The following UBL7 variants were observed in gnomAD, a reference collection of about 807,000 sequenced individuals.
The protein encoded by UBL7 is ubiquitin-like protein 7.
In UBL7, 21 loss-of-function variants were observed where a neutral mutation model predicts 41.7. The ratio of observed to expected loss-of-function variants is 0.50; its 90% CI spans 0.36 to 0.73. The LOEUF (loss-of-function observed/expected upper bound fraction) is 0.73, where lower values mean the gene tolerates loss of function less well. UBL7 is among the 30% of genes least tolerant of loss of function. The probability of loss-of-function intolerance (pLI) is 0.00; values close to 1 mark genes in which losing one functional copy is unlikely to be tolerated. For synonymous variants in UBL7, 157 were observed against 186.9 expected (o/e 0.84, Z 1.31); for missense variants, 403 against 478.4 (o/e 0.84, Z 1.47).
intron 3 of UBL7, among the ~76,000 whole-genome samples, chr15:74,454,618 G>A (rs796312780): frequency 1.1e-4 from 16 of 152,164 alleles, no homozygotes; most frequent in African/African-American, 3.1e-4. Flanking sequence ...GGCTTGTCTC[G>A]AACTCCCAAT....
At chr15:74,453,686 G>A (rs1376832057) in intron 3 of UBL7, among the ~76,000 whole-genome samples, 1 of 152,212 alleles carries the variant, frequency 6.6e-6, no homozygotes, top group Non-Finnish European at 1.5e-5. Flanking sequence ...GTCCTGAAGG[G>A]ATTTGTAACC....
intron 3 of UBL7, among the ~76,000 whole-genome samples, chr15:74,455,969 C>CA (rs1435344644): frequency 6.6e-6 from 1 of 151,594 alleles, no homozygotes; most frequent in Non-Finnish European, 1.5e-5. Context: ...CTAAAAAACA[C>CA]AAAAAAAATT....
At chr15:74,452,230 C>T in intron 4 of UBL7, 66 bp downstream of exon 4, 5 of 1,505,494 alleles carry the variant, frequency 3.3e-6, no homozygotes, top group Non-Finnish European at 4.5e-6. Context: ...CCACTCCACA[C>T]CACTCGCCAG....
Position 74,448,674 on chromosome 15 carries a change from A to G in UBL7, c.883-74T>C, listed in dbSNP as rs76512205. On this transcript the variant is annotated intron_variant, in intron 9 of 10. Coordinates refer to ENST00000395081, the MANE Select transcript of UBL7 (RefSeq NM_032907.5). Reference sequence around the variant, plus strand: ...TATAGCAGATGCTCGCTGTTGTCATATCACCTCACAGCACTCCTGAGGTAC... The same window carrying G: ...TATAGCAGATGCTCGCTGTTGTCATGTCACCTCACAGCACTCCTGAGGTAC... 4.9e-4 allele frequency: 780 copies of G among 1,589,764 alleles called. 9 individuals are homozygous for G. The East Asian group carries it at 0.013, about 27-fold the overall frequency.
Position 74,461,151 on chromosome 15 carries a change from C to A in UBL7, c.-144G>T, listed in dbSNP as rs1408791163. ...CCGGCCGCACTGCCGCCGGTGTAAA[C>A]ACTCACTCTGGCCCTCTCGCCGGAA... is the stretch of plus-strand genomic sequence containing the variant. On this transcript the variant is annotated 5_prime_UTR_variant, in exon 1 of 11. Coordinates refer to ENST00000395081, the MANE Select transcript of UBL7 (RefSeq NM_032907.5). 1.0e-6 allele frequency: 1 copy of A among 996,658 alleles called. No homozygotes were observed. The highest frequency in any genetic ancestry group is 1.1e-4 in the East Asian group (1 of 9,050). The allele number at this position is 996,658 out of a possible 1,614,324, so 61.7% of individuals were successfully genotyped here.
At chr15:74,451,559 C>G (rs764891204) in intron 4 of UBL7, 39 bp from the exon 5 acceptor site, 17 of 1,533,064 alleles carry the variant, frequency 1.1e-5, no homozygotes, top group Non-Finnish European at 1.5e-5. Context: ...CTCCAACCAG[C>G]TCAATGTACT....
rs1284099268 is a variant in UBL7 at position 74,456,627 on chromosome 15, C to G, written c.229G>C (p.Asp77His). The change falls in exon 3 of 11, where the codon GAC becomes CAC. Residue 77 changes from aspartate to histidine, a missense_variant. By Grantham distance (81) the Asp-to-His change is moderately conservative. Coordinates refer to ENST00000395081, the MANE Select transcript of UBL7 (RefSeq NM_032907.5). ...GRKLKDDQTLDFYGIQPGSTV... is the reference protein window; with the variant it reads ...GRKLKDDQTLHFYGIQPGSTV... The stretch of plus-strand genomic sequence containing the variant: ...GACCCAGGTTGAATGCCATAGAAGT[C>G]AAGTGTCTGGTCATCTTTTAGCTTC... 2 of 1,614,006 alleles carry G rather than the reference C, an allele frequency of 1.2e-6. No homozygotes were observed. The highest frequency in any genetic ancestry group is 3.3e-5 in the Admixed American group (2 of 59,996).
At chr15:74,459,475 A>AT (rs372314262) in intron 1 of UBL7, among the ~76,000 whole-genome samples, 61,338 of 140,922 alleles carry the variant, frequency 0.44, 16,892 homozygotes, top group Non-Finnish European at 0.64. Context: ...CGCCAGGCTA[A>AT]TTTTTTTTTT....
At chr15:74,454,678 G>A (rs767760286) in intron 3 of UBL7, among the ~76,000 whole-genome samples, 79 of 152,296 alleles carry the variant, frequency 5.2e-4, no homozygotes, top group Admixed American at 1.2e-3. Context: ...GATTACAGGC[G>A]TAAGCTGCTG....
At chr15:74,453,555 G>A (rs996542870) in intron 3 of UBL7, among the ~76,000 whole-genome samples, 1 of 152,196 alleles carries the variant, frequency 6.6e-6, no homozygotes, top group Non-Finnish European at 1.5e-5. Flanking sequence ...AAGCCTGAAT[G>A]AGAACATGTG....
upstream of UBL7, chr15:74,461,173 G>A: frequency 2.0e-6 from 2 of 988,320 alleles, no homozygotes; most frequent in Non-Finnish European, 1.2e-6. Context: ...CCCTCTCGCC[G>A]GAAACCGGAA....
At position 74,461,154 on chromosome 15, in the gene UBL7, T is replaced by G; in HGVS notation, c.-147A>C. ...GCCGCACTGCCGCCGGTGTAAACAC[T>G]CACTCTGGCCCTCTCGCCGGAAACC... On this transcript the variant is annotated 5_prime_UTR_variant, in exon 1 of 11. Transcript: ENST00000395081. The G allele has an allele frequency of 2.0e-6, 2 of 995,248 alleles. No homozygotes were observed. Among genetic ancestry groups the G allele is most frequent in the South Asian group, 4.2e-5 (1 of 23,670 alleles). 61.7% of individuals were successfully genotyped at this position (995,248 alleles called of 1,614,324 possible).
At chr15:74,458,316 C>A (rs1416014502) in intron 2 of UBL7, among the ~76,000 whole-genome samples, 2 of 152,132 alleles carry the variant, frequency 1.3e-5, no homozygotes, top group African/African-American at 4.8e-5. Context: ...CCTGTAATCC[C>A]AGCTACTCGG....
intron 1 of UBL7, 118 bp downstream of exon 1, chr15:74,460,919 C>T: frequency 8.7e-7 from 1 of 1,155,176 alleles, no homozygotes; most frequent in South Asian, 1.7e-5. Flanking sequence ...CAACGGTTCC[C>T]TAAGGCAGGC....
At chr15:74,451,328 A>G (rs371194416) in intron 5 of UBL7, 108 bp downstream of exon 5, 1 of 1,005,412 alleles carries the variant, frequency 9.9e-7, no homozygotes, top group African/African-American at 1.6e-5. Flanking sequence ...TTCCCACAAG[A>G]CCAGTCATTC....
chr15:74,447,551 C>T (rs1567086339), intron 10 of UBL7, among the ~76,000 whole-genome samples: 1 of 152,022 alleles, frequency 6.6e-6, no homozygotes, highest in Non-Finnish European at 1.5e-5. Flanking sequence ...ACAAAAAATA[C>T]AAAAAATTAG....
intron 9 of UBL7, 99 bp from the exon 10 acceptor site, chr15:74,448,699 C>T: frequency 6.7e-7 from 1 of 1,502,784 alleles, no homozygotes; most frequent in Non-Finnish European, 9.0e-7. Context: ...TCCTGAGGTA[C>T]CCAACTTCTG....
In UBL7 at chr15:74,461,093, C is replaced by A. The variant is rs1020451199; in HGVS notation, c.-86G>T. 3.0e-6 allele frequency: 3 copies of A among 1,005,134 alleles called. No homozygotes were observed. Among genetic ancestry groups the A allele is most frequent in the South Asian group, 3.8e-5 (1 of 26,344 alleles). The allele number at this position is 1,005,134 out of a possible 1,614,324, so 62.3% of individuals were successfully genotyped here. A position where few individuals can be genotyped will look rare whatever the true frequency, so the allele number is the denominator to read the frequency against. On this transcript the variant is annotated 5_prime_UTR_variant, in exon 1 of 11. Coordinates refer to ENST00000395081, the MANE Select transcript of UBL7 (RefSeq NM_032907.5). ...CACATCGAGCCCGCGCTGCCCAGGGCCCCAGCGCCCTCACCCGTCCCGCGG... is the reference window on the plus strand; with the variant it reads ...CACATCGAGCCCGCGCTGCCCAGGGACCCAGCGCCCTCACCCGTCCCGCGG...
Position 74,458,731 on chromosome 15 carries a change from A to C in UBL7, c.137T>G (p.Leu46Arg). Residue 46 changes from leucine (L) to arginine (R), a missense_variant, in exon 2 of 11, where the codon CTT becomes CGT. By Grantham distance (102) the Leu-to-Arg change is moderately radical. Transcript: ENST00000395081. ...GGYSISFLKQLIAGKLQESVP... is the reference protein window; with the variant it reads ...GGYSISFLKQRIAGKLQESVP... The stretch of plus-strand genomic sequence containing the variant: ...AGACTCCTGGAGTTTGCCAGCAATA[A>C]GCTGCTTCAGAAATGAAATACTATA... The C allele has an allele frequency of 6.2e-7, 1 of 1,614,118 alleles. No individual in the cohort carries two copies. The highest frequency in any genetic ancestry group is 8.5e-7 in the Non-Finnish European group (1 of 1,180,040).
Sources: allele counts gnomAD v4.1 joint callset (sites outside exome capture counted in the v4.1 genomes callset), GRCh38; gene constraint gnomAD v4.1.1; transcripts MANE v1.5; gene names NCBI Gene and HGNC (gene_info 2026-07-23, HGNC 2026-07-21).